The following DMD variants were observed in gnomAD, a reference collection of about 807,000 sequenced individuals.
DMD encodes the protein dystrophin.
A neutral mutation model predicts 330.1 loss-of-function variants in DMD; 63 were observed. The ratio of observed to expected loss-of-function variants is 0.19; its 90% CI spans 0.16 to 0.24. The LOEUF (loss-of-function observed/expected upper bound fraction) is 0.24. DMD is among the 10% of genes least tolerant of loss of function. The probability of loss-of-function intolerance (pLI) is 1.00; values close to 1 mark genes in which losing one functional copy is unlikely to be tolerated. For synonymous variants in DMD, 1,223 were observed against 959.8 expected, an observed-to-expected ratio of 1.27 and a Z score of -5.07; for missense variants, 3,344 against 2,684.1, an observed-to-expected ratio of 1.25 and a Z score of -5.43.
At chrX:32,768,426 T>C (rs1413759331) in intron 7 of DMD, among the ~76,000 whole-genome samples, 1 of 112,050 alleles carries the variant, frequency 8.9e-6, no homozygotes, top group African/African-American at 3.2e-5. Context: ...TGTGCCAATT[T>C]TGTCACCAAG....
intron 1 of DMD, among the ~76,000 whole-genome samples, chrX:33,171,021 A>G (rs946756213): frequency 5.4e-5 from 6 of 111,799 alleles, no homozygotes; most frequent in Non-Finnish European, 1.1e-4. Context: ...ATTCTGTTCA[A>G]TTGATCTATG....
At chrX:33,110,858 G>C (rs1417931670) in intron 1 of DMD, among the ~76,000 whole-genome samples, 1 of 110,590 alleles carries the variant, frequency 9.0e-6, no homozygotes, top group Non-Finnish European at 1.9e-5. Flanking sequence ...TCAAATGTCA[G>C]TTCTATCACT....
chrX:32,611,828 C>T (rs887357177), intron 12 of DMD, among the ~76,000 whole-genome samples: 1 of 112,139 alleles, frequency 8.9e-6, no homozygotes, highest in Non-Finnish European at 1.9e-5. Flanking sequence ...AATACTTCAA[C>T]TTCCAAAAGT....
At chrX:32,014,487 G>A (rs1212263838) in intron 44 of DMD, among the ~76,000 whole-genome samples, 3 of 111,535 alleles carry the variant, frequency 2.7e-5, no homozygotes, top group African/African-American at 6.5e-5. Flanking sequence ...TACAACTAGA[G>A]TAGATTTATT....
chrX:32,270,150 T>G (rs1029228840), intron 43 of DMD, among the ~76,000 whole-genome samples: 10 of 112,411 alleles, frequency 8.9e-5, no homozygotes, highest in Admixed American at 2.8e-4. Context: ...AAAGTCATGA[T>G]GCTATTTGGA....
At chrX:31,461,988 A>G (rs1167292654) in intron 59 of DMD, among the ~76,000 whole-genome samples, 2 of 111,745 alleles carry the variant, frequency 1.8e-5, no homozygotes, top group African/African-American at 6.5e-5. Flanking sequence ...GTGCTGCAGC[A>G]GAGCCCAAGA....
intron 77 of DMD, 141 bp downstream of exon 77, chrX:31,133,961 A>C: frequency 3.7e-6 from 2 of 536,234 alleles, no homozygotes; most frequent in Non-Finnish European, 6.5e-6. Flanking sequence ...CTTAAAAATC[A>C]AATCTTTTCA....
chrX:32,952,874 C>G (rs1479359211), intron 2 of DMD, among the ~76,000 whole-genome samples: 1 of 110,429 alleles, frequency 9.1e-6, no homozygotes, highest in African/African-American at 3.3e-5. Flanking sequence ...GTGGCTCACA[C>G]CTGTAATCAC....
intron 44 of DMD, among the ~76,000 whole-genome samples, chrX:32,188,577 T>A (rs1489857785): frequency 9.3e-6 from 1 of 107,574 alleles, no homozygotes; most frequent in African/African-American, 3.4e-5. Flanking sequence ...TTGGATGTTT[T>A]CCTGGACTCT....
At chrX:32,559,190 T>A (rs763636011) in intron 16 of DMD, among the ~76,000 whole-genome samples, 47 of 109,108 alleles carry the variant, frequency 4.3e-4, no homozygotes, top group Non-Finnish European at 8.2e-4. Flanking sequence ...TGACCTCAGA[T>A]GATTTGCCTG....
At chrX:32,875,801 T>A (rs764475499) in intron 2 of DMD, among the ~76,000 whole-genome samples, 96 of 112,130 alleles carry the variant, frequency 8.6e-4, no homozygotes, top group African/African-American at 3.0e-3. Flanking sequence ...CTTTACAGTT[T>A]CCTGTGACTT....
chrX:31,789,737 TA>T (rs1309542335), intron 50 of DMD, among the ~76,000 whole-genome samples: 4 of 111,616 alleles, frequency 3.6e-5, no homozygotes, highest in African/African-American at 1.3e-4. Context: ...TCCATTATTT[TA>T]AAACAAAAAG....
chrX:32,306,779 G>A (rs181368840), intron 42 of DMD, among the ~76,000 whole-genome samples: 11 of 110,577 alleles, frequency 9.9e-5, no homozygotes, highest in African/African-American at 3.3e-4. Context: ...GTGGAATATT[G>A]AAGGGATGTG....
At chrX:32,892,066 A>G (rs180817131) in intron 2 of DMD, among the ~76,000 whole-genome samples, 20 of 112,074 alleles carry the variant, frequency 1.8e-4, no homozygotes, top group Non-Finnish European at 3.2e-4. Flanking sequence ...CTCAACTCCA[A>G]GTTACTTCCT....
At chrX:33,015,568 G>A (rs767096760) in intron 2 of DMD, among the ~76,000 whole-genome samples, 42 of 110,141 alleles carry the variant, frequency 3.8e-4, no homozygotes, top group African/African-American at 1.2e-3. Flanking sequence ...TGGGTACTAG[G>A]CCTAATATCT....
intron 44 of DMD, among the ~76,000 whole-genome samples, chrX:32,002,349 T>C (rs1199795125): frequency 1.8e-5 from 2 of 111,686 alleles, no homozygotes; most frequent in African/African-American, 6.5e-5. Flanking sequence ...GAGTAAACCG[T>C]TAACAGGGCA....
At chrX:33,084,397 T>G (rs1421887850) in intron 1 of DMD, among the ~76,000 whole-genome samples, 1 of 112,275 alleles carries the variant, frequency 8.9e-6, no homozygotes, top group Non-Finnish European at 1.9e-5. Context: ...ACACTGGAGT[T>G]TTGTTATTAC....
intron 1 of DMD, among the ~76,000 whole-genome samples, chrX:33,146,622 A>G (rs1321585359): frequency 9.1e-6 from 1 of 110,432 alleles, no homozygotes; most frequent in Non-Finnish European, 1.9e-5. Context: ...CGGGCTTTTC[A>G]GTCTTCCTGT....
At position 32,438,190 on chromosome X, in the gene DMD, C is replaced by CTA. The variant is rs763672426; in HGVS notation, c.4071+49_4071+50dup. On this transcript the variant is annotated intron_variant, in intron 29 of 78. Transcript: ENST00000357033. ...ATTTTATCTGAGAGGCCTGTATCTG[C>CTA]TATACATTAATGCAAATTAGATTAA... 2.2e-5 allele frequency: 26 copies of CTA among 1,157,371 alleles called. No homozygotes were observed. In the African/African-American group the frequency reaches 4.1e-4, roughly 18 times the overall value.
Sources: gnomAD v4.1 joint callset for allele counts (sites outside exome capture counted in the v4.1 genomes callset) on GRCh38, gnomAD v4.1.1 for gene constraint, MANE v1.5 for transcripts, NCBI Gene and HGNC (gene_info 2026-07-23, HGNC 2026-07-21) for gene names.